RNF24: variants seen among roughly 807,000 people sequenced by gnomAD.
RNF24 encodes ring finger protein 24.
Under a neutral mutation model 20.0 loss-of-function variants are expected in RNF24, and 14 were observed. That is an observed-to-expected ratio of 0.70 (90% CI 0.46 to 1.10). The LOEUF (loss-of-function observed/expected upper bound fraction) is 1.10. Ranked by LOEUF, RNF24 falls within the 50% of genes least tolerant of loss-of-function variation. The pLI is 0.00. For synonymous variants in RNF24, 45 were observed against 61.1 expected (o/e 0.74, Z 1.23); for missense variants, 124 against 177.6 (o/e 0.70, Z 1.71).
chr20:4,010,446 ATGCAGCTC>A (rs1271234116), intron 1 of RNF24, among the ~76,000 whole-genome samples: 3 of 152,214 alleles, frequency 2.0e-5, no homozygotes, highest in Admixed American at 1.3e-4. Context: ...GCTGTGATTT[ATGCAGCTC>A]CTTTTGCTTC....
At chr20:3,943,111 C>T (rs6084521) in intron 4 of RNF24, among the ~76,000 whole-genome samples, 56,765 of 151,998 alleles carry the variant, frequency 0.37, 11,893 homozygotes, top group Non-Finnish European at 0.47. Context: ...CCACCCAGCC[C>T]GGCGAGAGAC....
chr20:3,957,468 A>AAG (rs1427711265), intron 2 of RNF24, among the ~76,000 whole-genome samples: 1 of 145,242 alleles, frequency 6.9e-6, no homozygotes, highest in African/African-American at 2.5e-5. Context: ...AAAAAAAAAA[A>AAG]AATAATAATA....
rs1268738156 is a variant in RNF24, at chr20:3,934,284, C to T, written c.309-83G>A. 2 of 1,415,440 alleles carry T rather than the reference C, an allele frequency of 1.4e-6. No individual in the cohort carries two copies. The highest frequency in any genetic ancestry group is 5.1e-5 in the East Asian group (2 of 39,020). 87.7% of individuals were successfully genotyped at this position (1,415,440 alleles called of 1,614,324 possible). ...TTCTGCTGAACATCTCCATATCTGT[C>T]ACCCAGACAACGTCTGCTGTATGGT... On this transcript the variant is annotated intron_variant, in intron 5 of 5. Transcript: ENST00000358395. This position sits in a 1 kb window ranked among gnomAD's most constrained non-coding sequence, Gnocchi z 4.0.
chr20:3,992,212 G>A (rs1980505646), intron 1 of RNF24, among the ~76,000 whole-genome samples: 2 of 152,122 alleles, frequency 1.3e-5, no homozygotes, highest in South Asian at 2.1e-4. Context: ...GACTTCACTA[G>A]GAAATCTTCC....
intron 1 of RNF24, among the ~76,000 whole-genome samples, chr20:4,007,750 A>G (rs1048831637): frequency 3.3e-5 from 5 of 150,694 alleles, no homozygotes; most frequent in Non-Finnish European, 7.4e-5. Context: ...AAAAAAAAAA[A>G]AAAAAAAGAA....
chr20:3,964,145 G>T, intron 1 of RNF24, 121 bp from the exon 2 acceptor site: 1 of 712,740 alleles, frequency 1.4e-6, no homozygotes, highest in Non-Finnish European at 2.2e-6. Context: ...TAGACAAAGT[G>T]TTAATATTCT....
intron 1 of RNF24, among the ~76,000 whole-genome samples, chr20:3,994,461 T>C (rs1980704810): frequency 6.6e-6 from 1 of 152,246 alleles, no homozygotes; most frequent in African/African-American, 2.4e-5. Context: ...AGTTATTTCA[T>C]TTGTTTTAAA....
intron 2 of RNF24, among the ~76,000 whole-genome samples, chr20:3,954,003 GCCTCAGACT>G (rs2091113192): frequency 6.6e-6 from 1 of 152,040 alleles, no homozygotes; most frequent in African/African-American, 2.4e-5. Flanking sequence ...GTGATCCCCT[GCCTCAGACT>G]CCCAAAGTGC....
At chr20:3,945,910 G>A (rs895502939) in intron 3 of RNF24, among the ~76,000 whole-genome samples, 2 of 152,080 alleles carry the variant, frequency 1.3e-5, no homozygotes, top group South Asian at 4.1e-4. Flanking sequence ...AAATTTGAGG[G>A]AAAATCTCTA....
chr20:3,999,529 C>T (rs535893449), intron 1 of RNF24, among the ~76,000 whole-genome samples: 23 of 152,094 alleles, frequency 1.5e-4, no homozygotes, highest in Admixed American at 1.2e-3. Context: ...CCGAGGCGGG[C>T]GGATCAGCTG....
chr20:3,983,324 T>A (rs551753121), intron 1 of RNF24, among the ~76,000 whole-genome samples: 12 of 152,338 alleles, frequency 7.9e-5, no homozygotes, highest in African/African-American at 2.9e-4. Context: ...TTCTTTAGTT[T>A]ATCCCTAGTT....
At chr20:3,979,484 G>C (rs1194171892) in intron 1 of RNF24, among the ~76,000 whole-genome samples, 1 of 152,084 alleles carries the variant, frequency 6.6e-6, no homozygotes, top group Middle Eastern at 3.2e-3. Flanking sequence ...AGACCAGCAC[G>C]GCCAACATGG....
At chr20:4,006,581 T>C (rs1328066559) in intron 1 of RNF24, among the ~76,000 whole-genome samples, 1 of 152,234 alleles carries the variant, frequency 6.6e-6, no homozygotes, top group Non-Finnish European at 1.5e-5. Context: ...TACAGTTCAT[T>C]GCAACTTTAA....
At chr20:4,009,090 C>T (rs1237166989) in intron 1 of RNF24, among the ~76,000 whole-genome samples, 5 of 152,070 alleles carry the variant, frequency 3.3e-5, no homozygotes, top group Non-Finnish European at 7.4e-5. Flanking sequence ...TCCTAGGGGA[C>T]AGAGTGGTAA....
intron 1 of RNF24, among the ~76,000 whole-genome samples, chr20:4,006,229 T>G (rs1461459799): frequency 6.6e-6 from 1 of 151,696 alleles, no homozygotes; most frequent in Admixed American, 6.6e-5. Context: ...ATTAGCTGAG[T>G]GTGGTGGCGC....
chr20:3,959,062 C>A (rs1241423035), intron 2 of RNF24, among the ~76,000 whole-genome samples: 1 of 152,178 alleles, frequency 6.6e-6, no homozygotes. Context: ...CACATTCTCT[C>A]TAGGCAACAC....
intron 1 of RNF24, among the ~76,000 whole-genome samples, chr20:4,011,231 TAATTTTC>T (rs1982435680): frequency 6.6e-6 from 1 of 152,212 alleles, no homozygotes; most frequent in Non-Finnish European, 1.5e-5. Flanking sequence ...ACAGTCACAT[TAATTTTC>T]AATCCAGATT....
At chr20:3,991,616 CCTTGATT>C in intron 1 of RNF24, among the ~76,000 whole-genome samples, 1 of 152,114 alleles carries the variant, frequency 6.6e-6, no homozygotes, top group East Asian at 1.9e-4. Flanking sequence ...AATTTAAAAA[CCTTGATT>C]CTTATTTAAA....
chr20:3,944,036 C>T lies in RNF24; in HGVS notation c.228+1141G>A, dbSNP rs908482502. Among the ~76,000 whole-genome samples, 4 of 151,842 alleles carry T rather than the reference C, an allele frequency of 2.6e-5. No homozygotes were observed. The East Asian group carries it at 7.7e-4, about 29-fold the overall frequency. On this transcript the variant is annotated intron_variant, in intron 4 of 5. Coordinates refer to ENST00000358395, the MANE Select transcript of RNF24 (RefSeq NM_001134337.3). ...ACCAGCCTGGCCAACATGGTGAAAC[C>T]CCGTCTCTACTAAAAATACAAAAAT...
Sources: allele counts gnomAD v4.1 joint callset (sites outside exome capture counted in the v4.1 genomes callset), GRCh38; gene constraint gnomAD v4.1.1; non-coding constraint Gnocchi (gnomAD v3.1); transcripts MANE v1.5; gene names NCBI Gene and HGNC (gene_info 2026-07-23, HGNC 2026-07-21).